The following ANKS1A variants were observed in gnomAD, a reference collection of about 807,000 sequenced individuals.
ANKS1A encodes the protein ankyrin repeat and SAM domain-containing protein 1A.
In ANKS1A, 55 loss-of-function variants were observed where a neutral mutation model predicts 120.3. The observed-to-expected ratio is 0.46, with a 90% CI of 0.37 to 0.57. The LOEUF (loss-of-function observed/expected upper bound fraction) is 0.57, where lower values mean the gene tolerates loss of function less well. ANKS1A is among the 20% of genes least tolerant of loss of function. The pLI, the probability that ANKS1A is intolerant of heterozygous loss-of-function variation, is 0.00. For synonymous variants in ANKS1A, 590 were observed against 604.7 expected (o/e 0.98, Z 0.36); for missense variants, 1,123 against 1,480.3 (o/e 0.76, Z 3.96).
chr6:34,951,206 A>T (rs1770077020), intron 1 of ANKS1A, among the ~76,000 whole-genome samples: 1 of 152,074 alleles, frequency 6.6e-6, no homozygotes, highest in Middle Eastern at 3.2e-3. Context: ...TTTATAGATT[A>T]TTTACGAAAA....
intron 11 of ANKS1A, among the ~76,000 whole-genome samples, chr6:35,020,853 AG>A (rs2127561170): frequency 6.6e-6 from 1 of 152,346 alleles, no homozygotes; most frequent in South Asian, 2.1e-4. Context: ...CATCTATCCA[AG>A]ATCTAGGTGC....
intron 1 of ANKS1A, among the ~76,000 whole-genome samples, chr6:34,911,096 A>G (rs569309610): frequency 1.3e-5 from 2 of 152,260 alleles, no homozygotes; most frequent in East Asian, 3.9e-4. Context: ...CTACAGTGGT[A>G]TGGTAACTAT....
chr6:34,964,681 A>T (rs1025425227), intron 1 of ANKS1A, among the ~76,000 whole-genome samples: 1 of 152,202 alleles, frequency 6.6e-6, no homozygotes, highest in Non-Finnish European at 1.5e-5. Flanking sequence ...AACTCTTACA[A>T]TGAAGCAGTC....
At chr6:35,071,019 T>A in intron 13 of ANKS1A, 1 of 511,704 alleles carries the variant, frequency 2.0e-6, no homozygotes, top group South Asian at 1.7e-5. Flanking sequence ...CCTAGTTTCT[T>A]GTTGTCATCA....
intron 23 of ANKS1A, among the ~76,000 whole-genome samples, chr6:35,088,165 C>T (rs1778095859): frequency 6.6e-6 from 1 of 152,252 alleles, no homozygotes; most frequent in Admixed American, 6.5e-5. Flanking sequence ...CTCCTGACTC[C>T]TCCGAAAGGA....
downstream of ANKS1A, among the ~76,000 whole-genome samples, chr6:35,092,931 T>G (rs187552394): frequency 1.5e-3 from 221 of 152,270 alleles, no homozygotes; most frequent in Non-Finnish European, 2.0e-3. Flanking sequence ...GAGGAGGAAC[T>G]TTCAAGCTGG....
intron 17 of ANKS1A, among the ~76,000 whole-genome samples, 156 bp downstream of exon 17, chr6:35,081,314 C>T (rs558073704): frequency 3.3e-5 from 5 of 152,316 alleles, no homozygotes; most frequent in East Asian, 3.9e-4. Flanking sequence ...CACACCCAGC[C>T]GCCTTGCGTA....
chr6:34,999,748 C>A (rs1414427065), intron 10 of ANKS1A, among the ~76,000 whole-genome samples: 1 of 152,070 alleles, frequency 6.6e-6, no homozygotes, highest in East Asian at 1.9e-4. Flanking sequence ...ACAGTTACAG[C>A]TGGTTTTAGA....
intron 1 of ANKS1A, among the ~76,000 whole-genome samples, chr6:34,950,561 A>G (rs1166816919): frequency 6.6e-6 from 1 of 151,934 alleles, no homozygotes; most frequent in African/African-American, 2.4e-5. Context: ...TTACAATAAG[A>G]GAGAGAGAGA....
chr6:35,066,109 G>C (rs1776761102), intron 13 of ANKS1A, among the ~76,000 whole-genome samples: 1 of 152,214 alleles, frequency 6.6e-6, no homozygotes. Flanking sequence ...TTCGTCGTCT[G>C]TCACGCGGGC....
intron 1 of ANKS1A, among the ~76,000 whole-genome samples, chr6:34,963,863 C>G (rs1019434630): frequency 6.6e-6 from 1 of 152,140 alleles, no homozygotes; most frequent in Admixed American, 6.6e-5. Context: ...TCTCTAATGA[C>G]TAGTGATGTT....
intron 11 of ANKS1A, among the ~76,000 whole-genome samples, chr6:35,028,260 G>A (rs1022993196): frequency 6.6e-6 from 1 of 152,172 alleles, no homozygotes; most frequent in African/African-American, 2.4e-5. Flanking sequence ...TGGGCCCTCT[G>A]TACTGGGCCA....
chr6:34,940,238 C>T (rs847847), intron 1 of ANKS1A, among the ~76,000 whole-genome samples: 46,079 of 152,200 alleles, frequency 0.3, 9,698 homozygotes, highest in East Asian at 0.59. Flanking sequence ...TAATTATACA[C>T]TCCTTATCTT....
intron 11 of ANKS1A, among the ~76,000 whole-genome samples, chr6:35,038,483 T>A (rs1386020032): frequency 1.3e-5 from 2 of 152,152 alleles, no homozygotes; most frequent in Non-Finnish European, 2.9e-5. Context: ...TCCCTTTTTT[T>A]AATTTTATTT....
At chr6:35,028,358 T>A (rs1256483347) in intron 11 of ANKS1A, among the ~76,000 whole-genome samples, 2 of 152,134 alleles carry the variant, frequency 1.3e-5, no homozygotes, top group African/African-American at 4.8e-5. Flanking sequence ...GGTGGAGATC[T>A]CCCAGCCTCA....
intron 3 of ANKS1A, among the ~76,000 whole-genome samples, chr6:34,975,608 A>G (rs923701101): frequency 1.3e-5 from 2 of 152,018 alleles, no homozygotes; most frequent in African/African-American, 4.8e-5. Flanking sequence ...AAAATAAAAA[A>G]TTAGCCAGGC....
rs1329593336 is a variant in ANKS1A at position 35,090,765 on chromosome 6, C to T, written c.*2156C>T. The T allele has an allele frequency of 1.0e-6, 1 of 986,190 alleles. No individual in the cohort carries two copies. Among genetic ancestry groups the T allele is most frequent in the Admixed American group, 6.1e-5 (1 of 16,360 alleles). 61.1% of individuals were successfully genotyped at this position (986,190 alleles called of 1,614,324 possible). A position where few individuals can be genotyped will look rare whatever the true frequency, so the allele number is the denominator to read the frequency against. ...AAGTGCAGGTCACACCAGGGGCAGACCCTGTCGCTGCGTTTCTGAACTGTG... is the reference window on the plus strand; with the variant it reads ...AAGTGCAGGTCACACCAGGGGCAGATCCTGTCGCTGCGTTTCTGAACTGTG... On this transcript the variant is annotated 3_prime_UTR_variant, in exon 24 of 24. Transcript: ENST00000360359.
intron 1 of ANKS1A, among the ~76,000 whole-genome samples, chr6:34,911,274 C>T (rs1350840722): frequency 6.6e-6 from 1 of 152,164 alleles, no homozygotes; most frequent in Non-Finnish European, 1.5e-5. Context: ...CTTCCTACTC[C>T]TTTCAGGGTT....
chr6:35,079,472 G>A (rs1173810419), intron 14 of ANKS1A, 44 bp from the exon 15 acceptor site: 1 of 1,609,006 alleles, frequency 6.2e-7, no homozygotes, highest in Non-Finnish European at 8.5e-7. Context: ...TCCCTCTCCT[G>A]TGAGTGCTGA....
Sources: gnomAD v4.1 joint callset for allele counts (sites outside exome capture counted in the v4.1 genomes callset) on GRCh38, gnomAD v4.1.1 for gene constraint, MANE v1.5 for transcripts, NCBI Gene and HGNC (gene_info 2026-07-23, HGNC 2026-07-21) for gene names.